NKD2: variants seen among roughly 807,000 people sequenced by gnomAD.
NKD2 encodes the protein NKD inhibitor of Wnt signaling pathway 2.
Under a neutral mutation model 34.8 loss-of-function variants are expected in NKD2, and 43 were observed. That is an observed-to-expected ratio of 1.24 (90% CI 0.97 to 1.60). NKD2 has a LOEUF of 1.60. Among genes scored for constraint, NKD2 ranks in the 40% most tolerant of loss-of-function variants. The pLI is 0.00. For synonymous variants in NKD2, 278 were observed against 265.1 expected, an observed-to-expected ratio of 1.05 and a Z score of -0.47; for missense variants, 675 against 627.1, an observed-to-expected ratio of 1.08 and a Z score of -0.82.
rs553756764 is a variant in NKD2 at position 1,038,698 on chromosome 5, C to T, written c.*325C>T. 1.2e-4 allele frequency: 70 copies of T among 583,942 alleles called. No individual in the cohort carries two copies. The highest frequency in any genetic ancestry group is 4.1e-4 in the South Asian group (21 of 51,118). The allele number at this position is 583,942 out of a possible 1,614,324, so 36.2% of individuals were successfully genotyped here. On this transcript the variant is annotated 3_prime_UTR_variant, in exon 10 of 10. Transcript: ENST00000296849. This position sits in a 1 kb window ranked among gnomAD's most constrained non-coding sequence, Gnocchi z 4.5. The stretch of plus-strand genomic sequence containing the variant: ...GATTCCAAAATGAGGCCCTGGAGTG[C>T]GCAAGGAGTGCCCGGATGCTTGGGG...
At chr5:1,020,622 G>A (rs1281372445) in intron 3 of NKD2, among the ~76,000 whole-genome samples, 4 of 151,776 alleles carry the variant, frequency 2.6e-5, no homozygotes, top group Non-Finnish European at 4.4e-5. Context: ...AGGGAAGCTC[G>A]GCTGCCTGGT....
intron 3 of NKD2, among the ~76,000 whole-genome samples, chr5:1,021,282 G>A (rs1483938454): frequency 6.6e-6 from 1 of 151,794 alleles, no homozygotes. Context: ...GGGCTTATGT[G>A]GGAAGCCCGG....
intron 3 of NKD2, among the ~76,000 whole-genome samples, chr5:1,016,959 C>T (rs1291981333): frequency 2.0e-5 from 3 of 151,872 alleles, no homozygotes; most frequent in African/African-American, 7.3e-5. Flanking sequence ...CAGAGCAGAC[C>T]CCATCCTCCT....
rs1013202137 is a variant in NKD2, at chr5:1,009,646, C to T, written c.141+86C>T. ...GTCAGAGCTGTTCCTGGTGCCCGCCCGCGGACAGGCGAGACGTGGGCCGCC... is the reference window on the plus strand; with the variant it reads ...GTCAGAGCTGTTCCTGGTGCCCGCCTGCGGACAGGCGAGACGTGGGCCGCC... On this transcript the variant is annotated intron_variant, in intron 3 of 9. Transcript: ENST00000296849. This position sits in a 1 kb window ranked among gnomAD's most constrained non-coding sequence, Gnocchi z 6.9. 7.0e-6 allele frequency: 8 copies of T among 1,139,184 alleles called. No individual in the cohort carries two copies. Among genetic ancestry groups the T allele is most frequent in the African/African-American group, 5.0e-5 (3 of 60,468 alleles). 70.6% of individuals were successfully genotyped at this position (1,139,184 alleles called of 1,614,324 possible).
At position 1,038,849 on chromosome 5, in the gene NKD2, G is replaced by A. The variant is rs1043266414; in HGVS notation, c.*476G>A. The A allele has an allele frequency of 5.7e-5, 17 of 297,700 alleles. No individual in the cohort carries two copies. The highest frequency in any genetic ancestry group is 2.4e-4 in the South Asian group (7 of 28,704). The allele number at this position is 297,700 out of a possible 1,614,324, so 18.4% of individuals were successfully genotyped here. A position where few individuals can be genotyped will look rare whatever the true frequency, so the allele number is the denominator to read the frequency against. On this transcript the variant is annotated 3_prime_UTR_variant, in exon 10 of 10. Coordinates refer to ENST00000296849, the MANE Select transcript of NKD2 (RefSeq NM_033120.4). The surrounding 1 kb of genome is among the most constrained non-coding windows in gnomAD (Gnocchi z 4.5). Reference sequence around the variant, plus strand: ...TCATGAAGTGAGAGGGGACAGGGCCGGTGGGGGGAAGCAGCTTGTGCTTAG... The same window carrying A: ...TCATGAAGTGAGAGGGGACAGGGCCAGTGGGGGGAAGCAGCTTGTGCTTAG...
chr5:1,017,684 G>A (rs573364174), intron 3 of NKD2, among the ~76,000 whole-genome samples: 80 of 152,256 alleles, frequency 5.3e-4, no homozygotes, highest in African/African-American at 1.9e-3. Context: ...CCACGGGGCC[G>A]CCCTGCAGCC....
At chr5:1,032,005 G>GT (rs2150745627) in intron 3 of NKD2, 147 bp from the exon 4 acceptor site, 1 of 676,510 alleles carries the variant, frequency 1.5e-6, no homozygotes, top group South Asian at 1.7e-5. Flanking sequence ...GGCACGAAGG[G>GT]TTGGTGTTTC....
intron 3 of NKD2, among the ~76,000 whole-genome samples, chr5:1,011,154 T>C (rs1301305860): frequency 6.6e-6 from 1 of 152,238 alleles, no homozygotes; most frequent in African/African-American, 2.4e-5. Context: ...AGAAAACTCC[T>C]TTCTAAGTTA....
At chr5:1,014,791 AG>A (rs1267865905) in intron 3 of NKD2, among the ~76,000 whole-genome samples, 1 of 152,226 alleles carries the variant, frequency 6.6e-6, no homozygotes, top group African/African-American at 2.4e-5. Flanking sequence ...CCACTTGGTC[AG>A]CCCCGACAGA....
chr5:1,033,582 G>A, intron 5 of NKD2, 83 bp downstream of exon 5: 1 of 1,437,650 alleles, frequency 7.0e-7, no homozygotes, highest in South Asian at 1.4e-5. Flanking sequence ...CCCTAAACTG[G>A]GCATCTGTGG....
intron 3 of NKD2, among the ~76,000 whole-genome samples, chr5:1,019,316 C>T (rs1756081333): frequency 6.6e-6 from 1 of 152,172 alleles, no homozygotes. Context: ...GATTGTGTGT[C>T]CCGTAACAAA....
rs527977792 is a variant in NKD2 at position 1,019,193 on chromosome 5, C to T, written c.141+9633C>T. Among the ~76,000 whole-genome samples, 13 of 152,312 alleles carry T rather than the reference C, an allele frequency of 8.5e-5. No homozygotes were observed. In the South Asian group the frequency reaches 1.2e-3, roughly 15 times the overall value. ...CCCTGTGCCAGCTGCTCCTCTTTTG[C>T]GGTTGGAGTGACCCCAAGACGTGCT... On this transcript the variant is annotated intron_variant, in intron 3 of 9. Transcript: ENST00000296849.
At chr5:1,020,309 A>C (rs1756123220) in intron 3 of NKD2, among the ~76,000 whole-genome samples, 1 of 152,114 alleles carries the variant, frequency 6.6e-6, no homozygotes, top group African/African-American at 2.4e-5. Flanking sequence ...ATGTGTTCAC[A>C]TATGTGAGTA....
intron 3 of NKD2, among the ~76,000 whole-genome samples, chr5:1,021,184 T>C (rs1225298604): frequency 6.6e-6 from 1 of 152,160 alleles, no homozygotes; most frequent in African/African-American, 2.4e-5. Context: ...CACATGTGGT[T>C]ATTAAAAGAT....
At chr5:1,034,995 G>A in intron 7 of NKD2, 92 bp downstream of exon 7, 1 of 1,238,580 alleles carries the variant, frequency 8.1e-7, no homozygotes, top group Non-Finnish European at 1.1e-6. Flanking sequence ...CAAGTGAGTG[G>A]ATGGAGGAGT....
chr5:1,032,300 C>G, intron 4 of NKD2, 88 bp downstream of exon 4: 1 of 1,040,544 alleles, frequency 9.6e-7, no homozygotes, highest in South Asian at 1.3e-5. Flanking sequence ...CTTAAAACAA[C>G]CCCGTGTGCG....
intron 9 of NKD2, among the ~76,000 whole-genome samples, chr5:1,037,068 C>G (rs201384741): frequency 4.0e-4 from 51 of 127,628 alleles, no homozygotes; most frequent in South Asian, 1.3e-3. Context: ...TGGATGGCAG[C>G]CAGGCAGTGT....
chr5:1,012,780 C>T (rs1455983108), intron 3 of NKD2, among the ~76,000 whole-genome samples: 1 of 152,256 alleles, frequency 6.6e-6, no homozygotes, highest in Admixed American at 6.5e-5. Flanking sequence ...CCCTTCCCTG[C>T]CCCTTCCCTG....
chr5:1,016,249 C>T (rs576071737), intron 3 of NKD2, among the ~76,000 whole-genome samples: 66 of 152,370 alleles, frequency 4.3e-4, no homozygotes, highest in African/African-American at 1.4e-3. Flanking sequence ...TCCGCTCTCA[C>T]GGCGAGCTGC....
Sources: allele counts gnomAD v4.1 joint callset (sites outside exome capture counted in the v4.1 genomes callset), GRCh38; gene constraint gnomAD v4.1.1; non-coding constraint Gnocchi (gnomAD v3.1); transcripts MANE v1.5; gene names NCBI Gene and HGNC (gene_info 2026-07-23, HGNC 2026-07-21).